The following SNAP91 variants were observed in gnomAD, a reference collection of about 807,000 sequenced individuals.
SNAP91 encodes clathrin coat assembly protein AP180.
Under a neutral mutation model 100.3 loss-of-function variants are expected in SNAP91, and 27 were observed. That is an observed-to-expected ratio of 0.27 (90% confidence interval 0.20 to 0.37). The LOEUF is 0.37. SNAP91 is among the 10% of genes least tolerant of loss of function. The probability of loss-of-function intolerance (pLI) is 1.00; values close to 1 mark genes in which losing one functional copy is unlikely to be tolerated. For missense variants in SNAP91, 986 were observed against 1,123.7 expected (o/e 0.88, Z 1.75); for synonymous variants, 404 against 398.6 (o/e 1.01, Z -0.16).
intron 26 of SNAP91, among the ~76,000 whole-genome samples, chr6:83,568,342 T>C (rs531150510): frequency 9.9e-5 from 15 of 152,042 alleles, no homozygotes; most frequent in Non-Finnish European, 1.9e-4. Flanking sequence ...CTGGGGCCTG[T>C]TGTGGGATGG....
At chr6:83,611,399 T>C (rs2096063600) in intron 11 of SNAP91, 1 of 454,918 alleles carries the variant, frequency 2.2e-6, no homozygotes, top group African/African-American at 2.0e-5. Flanking sequence ...AGATCACTTC[T>C]AGGAAAGTGC....
chr6:83,582,874 C>A (rs1038859412), intron 22 of SNAP91, among the ~76,000 whole-genome samples: 2 of 152,184 alleles, frequency 1.3e-5, no homozygotes, highest in African/African-American at 4.8e-5. Flanking sequence ...TCTCTGGATT[C>A]ATGAACAGTC....
Position 83,708,852 on chromosome 6 carries a change from C to A in SNAP91, c.-38G>T, listed in dbSNP as rs2099416459. 6.6e-6 allele frequency: 1 copy of A among 152,068 alleles called. No individual in the cohort carries two copies. The highest frequency in any genetic ancestry group is 2.4e-5 in the African/African-American group (1 of 41,420). The allele number at this position is 152,068 out of a possible 1,614,324, so 9.4% of individuals were successfully genotyped here. A position where few individuals can be genotyped will look rare whatever the true frequency, so the allele number is the denominator to read the frequency against. Reference sequence around the variant, plus strand: ...ACGGCCGCGGGTACTCACCCCGCCCCTGAGCGGCGCCGCCCGCCGCAGGAT... The same window carrying A: ...ACGGCCGCGGGTACTCACCCCGCCCATGAGCGGCGCCGCCCGCCGCAGGAT... On this transcript the variant is annotated 5_prime_UTR_variant, in exon 1 of 30. In the 5' UTR this introduces an upstream ATG that the reference lacks. Transcript: ENST00000369694.
chr6:83,588,134 T>C (rs969176499), intron 22 of SNAP91, among the ~76,000 whole-genome samples: 1 of 152,182 alleles, frequency 6.6e-6, no homozygotes, highest in Admixed American at 6.5e-5. Context: ...CAACCCCTTA[T>C]ATCAGGATAT....
chr6:83,556,904 G>GT (rs1363101382), intron 28 of SNAP91, among the ~76,000 whole-genome samples: 5 of 152,148 alleles, frequency 3.3e-5, no homozygotes, highest in African/African-American at 1.2e-4. Flanking sequence ...TGAGGGCACT[G>GT]TTTGTTTCAC....
chr6:83,674,214 C>T (rs1423605448), intron 2 of SNAP91, among the ~76,000 whole-genome samples: 2 of 152,010 alleles, frequency 1.3e-5, no homozygotes, highest in Non-Finnish European at 2.9e-5. Context: ...CACTTGAGGT[C>T]GGGAGTTTGA....
intron 2 of SNAP91, among the ~76,000 whole-genome samples, chr6:83,702,057 G>A (rs1245143412): frequency 3.3e-5 from 5 of 152,094 alleles, no homozygotes; most frequent in African/African-American, 9.6e-5. Flanking sequence ...AAATGCCTAA[G>A]AAAAAACACA....
At chr6:83,657,930 CTTTT>C (rs536763578) in intron 6 of SNAP91, among the ~76,000 whole-genome samples, 2 of 106,130 alleles carry the variant, frequency 1.9e-5, no homozygotes, top group African/African-American at 3.5e-5. Context: ...CCACACCTTG[CTTTT>C]TTTTTTTTTT....
intron 2 of SNAP91, among the ~76,000 whole-genome samples, chr6:83,705,190 T>C (rs879504046): frequency 6.6e-6 from 1 of 152,198 alleles, no homozygotes; most frequent in Non-Finnish European, 1.5e-5. Context: ...TTTTATGACT[T>C]ATTAGAAAAG....
intron 23 of SNAP91, among the ~76,000 whole-genome samples, 192 bp from the exon 24 acceptor site, chr6:83,580,791 T>A (rs570076746): frequency 1.3e-5 from 2 of 152,156 alleles, no homozygotes; most frequent in Non-Finnish European, 2.9e-5. Context: ...ACTCATAAAG[T>A]ATGAAAATAC....
At chr6:83,645,266 T>C (rs996648380) in intron 7 of SNAP91, among the ~76,000 whole-genome samples, 1 of 151,272 alleles carries the variant, frequency 6.6e-6, no homozygotes, top group Non-Finnish European at 1.5e-5. Flanking sequence ...TTTAGAAAAA[T>C]ACTTTTTTAA....
intron 22 of SNAP91, among the ~76,000 whole-genome samples, chr6:83,589,117 A>G (rs1344853040): frequency 6.6e-6 from 1 of 152,262 alleles, no homozygotes; most frequent in African/African-American, 2.4e-5. Flanking sequence ...TCCCTCAAAT[A>G]GCCATTAAAA....
At chr6:83,578,909 TTTTG>T (rs201597617) in intron 24 of SNAP91, among the ~76,000 whole-genome samples, 4,117 of 152,260 alleles carry the variant, frequency 0.027, 185 homozygotes, top group African/African-American at 0.092. Context: ...ATTAATTTTT[TTTTG>T]TTTAAGTAAA....
chr6:83,578,614 T>C (rs572494098), intron 24 of SNAP91, among the ~76,000 whole-genome samples: 1 of 152,344 alleles, frequency 6.6e-6, no homozygotes, highest in South Asian at 2.1e-4. Context: ...GTTAGAGTTC[T>C]TTATTCTGAG....
intron 6 of SNAP91, among the ~76,000 whole-genome samples, 162 bp from the exon 7 acceptor site, chr6:83,657,027 A>G (rs2098423117): frequency 6.7e-6 from 1 of 148,806 alleles, no homozygotes; most frequent in Non-Finnish European, 1.5e-5. Flanking sequence ...GATGGACTAC[A>G]TATGTTTTTG....
intron 7 of SNAP91, among the ~76,000 whole-genome samples, chr6:83,647,339 T>C (rs2128612109): frequency 1.3e-5 from 2 of 152,302 alleles, no homozygotes; most frequent in South Asian, 2.1e-4. Flanking sequence ...TTTTTGTACA[T>C]ATTCTTCATC....
chr6:83,647,481 A>G (rs2097985849), intron 7 of SNAP91, among the ~76,000 whole-genome samples: 1 of 152,168 alleles, frequency 6.6e-6, no homozygotes, highest in African/African-American at 2.4e-5. Flanking sequence ...GATGTGGCAG[A>G]TTACATTAAT....
chr6:83,665,869 T>C (rs577978136), intron 2 of SNAP91, among the ~76,000 whole-genome samples: 2 of 152,224 alleles, frequency 1.3e-5, no homozygotes, highest in East Asian at 3.9e-4. Flanking sequence ...ATTTTTAAAA[T>C]TATAAACTCC....
At chr6:83,560,270 G>C in intron 27 of SNAP91, 62 bp from the exon 28 acceptor site, 1 of 1,124,552 alleles carries the variant, frequency 8.9e-7, no homozygotes. Context: ...GCACTATCCT[G>C]ACATTTATTG....
Sources: allele counts gnomAD v4.1 joint callset (sites outside exome capture counted in the v4.1 genomes callset), GRCh38; gene constraint gnomAD v4.1.1; transcripts MANE v1.5; gene names NCBI Gene and HGNC (gene_info 2026-07-23, HGNC 2026-07-21).